Variants in ATRNL1 observed in about 807,000 individuals in gnomAD.
The protein encoded by ATRNL1 is attractin like 1.
ATRNL1 carries 95 observed loss-of-function variants against 182.7 expected under a neutral mutation model. That is an observed-to-expected ratio of 0.52 (90% CI 0.44 to 0.62). The LOEUF (loss-of-function observed/expected upper bound fraction) is 0.62, where lower values mean the gene tolerates loss of function less well. Among genes scored for constraint, ATRNL1 ranks in the 20% least tolerant of loss-of-function variants. The pLI is 0.00. For missense variants in ATRNL1, 1,471 were observed against 1,679.5 expected (o/e 0.88, Z 2.17); for synonymous variants, 576 against 568.3 (o/e 1.01, Z -0.19).
chr10:115,730,008 G>A (rs904445076), intron 27 of ATRNL1, among the ~76,000 whole-genome samples: 15 of 151,840 alleles, frequency 9.9e-5, no homozygotes, highest in African/African-American at 3.6e-4. Flanking sequence ...TGTAATCCCA[G>A]CACTTTGGGA....
At chr10:115,456,874 T>C (rs1316995209) in intron 21 of ATRNL1, among the ~76,000 whole-genome samples, 4 of 152,092 alleles carry the variant, frequency 2.6e-5, no homozygotes. Flanking sequence ...TTCATTCCTG[T>C]AGTTCAGCAA....
intron 26 of ATRNL1, among the ~76,000 whole-genome samples, chr10:115,577,311 T>C (rs987734384): frequency 3.0e-4 from 46 of 151,898 alleles, no homozygotes; most frequent in African/African-American, 1.1e-3. Flanking sequence ...GCAGAGCTCT[T>C]TGGGTAGTAT....
chr10:115,756,279 C>G (rs1261686883), intron 27 of ATRNL1, among the ~76,000 whole-genome samples: 3 of 152,066 alleles, frequency 2.0e-5, no homozygotes, highest in Non-Finnish European at 2.9e-5. Flanking sequence ...TAGATCTTTC[C>G]TGCTTTCTCT....
intron 28 of ATRNL1, among the ~76,000 whole-genome samples, chr10:115,936,957 A>G (rs1953579622): frequency 6.6e-6 from 1 of 152,236 alleles, no homozygotes; most frequent in Non-Finnish European, 1.5e-5. Context: ...TGTCTCCGAA[A>G]TCAGTGGCAA....
intron 27 of ATRNL1, among the ~76,000 whole-genome samples, chr10:115,756,649 A>T (rs1460932013): frequency 1.3e-5 from 2 of 151,998 alleles, no homozygotes; most frequent in African/African-American, 4.8e-5. Flanking sequence ...TTGATTTGAG[A>T]TGGAGAGTTC....
intron 8 of ATRNL1, among the ~76,000 whole-genome samples, chr10:115,201,506 G>A (rs1289511929): frequency 2.0e-5 from 3 of 152,084 alleles, no homozygotes; most frequent in Non-Finnish European, 2.9e-5. Context: ...CCCATTGCTC[G>A]TTTTTCTCAG....
chr10:115,389,578 ATATATATATATATT>A lies in ATRNL1; in HGVS notation c.3176-5079_3176-5066del, dbSNP rs1564990258. On this transcript the variant is annotated intron_variant, in intron 19 of 28. Transcript: ENST00000355044. Reference sequence around the variant, plus strand: ...TATATATATATATATATATATATATATATATATATATATTTCATCCAATGATGGACACCTAGGTT... The same window carrying A: ...TATATATATATATATATATATATATATCATCCAATGATGGACACCTAGGTT... 1.6e-3 allele frequency among the ~76,000 whole-genome samples: 174 copies of A among 110,414 alleles called. 3 individuals carry two copies. Among genetic ancestry groups the A allele is most frequent in the African/African-American group, 5.5e-3 (167 of 30,104 alleles). 72.4% of individuals were successfully genotyped at this position (110,414 alleles called of 152,430 possible).
intron 8 of ATRNL1, among the ~76,000 whole-genome samples, chr10:115,182,205 T>C (rs368855751): frequency 3.3e-5 from 5 of 151,572 alleles, no homozygotes. Context: ...AAATTACTTA[T>C]GATGTGATAA....
intron 24 of ATRNL1, among the ~76,000 whole-genome samples, chr10:115,492,121 T>A (rs1449302510): frequency 3.9e-5 from 6 of 152,132 alleles, no homozygotes; most frequent in African/African-American, 1.2e-4. Context: ...CAGTTGGAAA[T>A]ACAGACATCA....
chr10:115,824,034 A>T (rs191917293), intron 27 of ATRNL1, among the ~76,000 whole-genome samples: 24 of 152,336 alleles, frequency 1.6e-4, no homozygotes, highest in African/African-American at 4.1e-4. Context: ...ACTATACTAC[A>T]AGGCTACAGT....
intron 27 of ATRNL1, among the ~76,000 whole-genome samples, chr10:115,843,327 C>T (rs1214050451): frequency 6.6e-6 from 1 of 151,956 alleles, no homozygotes; most frequent in Non-Finnish European, 1.5e-5. Flanking sequence ...AATAAGAAAC[C>T]GGACCTGTTC....
At chr10:115,578,768 AT>A (rs1854885238) in intron 26 of ATRNL1, among the ~76,000 whole-genome samples, 1 of 151,124 alleles carries the variant, frequency 6.6e-6, no homozygotes, top group South Asian at 2.1e-4. Context: ...CATTCTGCTA[AT>A]TTTTGATTCA....
At chr10:115,525,453 G>T (rs1205447675) in intron 25 of ATRNL1, among the ~76,000 whole-genome samples, 1 of 152,124 alleles carries the variant, frequency 6.6e-6, no homozygotes, top group Non-Finnish European at 1.5e-5. Context: ...GTATTTTCGG[G>T]ACTGCTCTGA....
At chr10:115,532,546 A>G (rs1554988694) in intron 25 of ATRNL1, among the ~76,000 whole-genome samples, 1 of 151,944 alleles carries the variant, frequency 6.6e-6, no homozygotes, top group Non-Finnish European at 1.5e-5. Flanking sequence ...GGGGTTTTCT[A>G]GATATACAAT....
At chr10:115,112,356 G>A (rs1844294565) in intron 1 of ATRNL1, among the ~76,000 whole-genome samples, 1 of 152,122 alleles carries the variant, frequency 6.6e-6, no homozygotes, top group Non-Finnish European at 1.5e-5. Context: ...AAAGCTAGAG[G>A]CATTACACTA....
chr10:115,206,750 A>G (rs1310242014), intron 8 of ATRNL1, among the ~76,000 whole-genome samples: 2 of 152,152 alleles, frequency 1.3e-5, no homozygotes, highest in Non-Finnish European at 2.9e-5. Context: ...GGTTTGTTAC[A>G]TAGGTATACA....
chr10:115,139,365 A>G (rs537895407), intron 5 of ATRNL1, among the ~76,000 whole-genome samples: 1 of 152,330 alleles, frequency 6.6e-6, no homozygotes, highest in South Asian at 2.1e-4. Context: ...CACACTGCTG[A>G]TAAAGACATA....
chr10:115,157,804 C>A (rs1330326854), intron 5 of ATRNL1, among the ~76,000 whole-genome samples: 1 of 151,974 alleles, frequency 6.6e-6, no homozygotes, highest in Non-Finnish European at 1.5e-5. Flanking sequence ...ACCTGGATAC[C>A]TTTGAGGGCT....
intron 25 of ATRNL1, among the ~76,000 whole-genome samples, chr10:115,538,537 G>T (rs1235147321): frequency 1.3e-5 from 2 of 152,106 alleles, no homozygotes; most frequent in East Asian, 1.9e-4. Context: ...AGTTTTAATT[G>T]CTTTTTAGTT....
Sources: allele counts gnomAD v4.1 joint callset (sites outside exome capture counted in the v4.1 genomes callset), GRCh38; gene constraint gnomAD v4.1.1; transcripts MANE v1.5; gene names NCBI Gene and HGNC (gene_info 2026-07-23, HGNC 2026-07-21).